The following TMEM117 variants were observed in gnomAD, a reference collection of about 807,000 sequenced individuals.
TMEM117 encodes transmembrane protein 117.
A neutral mutation model predicts 52.4 loss-of-function variants in TMEM117; 27 were observed. The observed-to-expected ratio is 0.51, with a 90% CI of 0.38 to 0.71. The LOEUF is 0.71. TMEM117 is among the 30% of genes least tolerant of loss of function. The pLI is 0.00. For synonymous variants in TMEM117, 215 were observed against 206.3 expected (o/e 1.04, Z -0.36); for missense variants, 556 against 630.5 (o/e 0.88, Z 1.26).
chr12:43,882,900 C>A (rs1943923044), intron 2 of TMEM117, among the ~76,000 whole-genome samples: 1 of 152,174 alleles, frequency 6.6e-6, no homozygotes, highest in Admixed American at 6.5e-5. Flanking sequence ...CATTTCTCTG[C>A]AGCATCTTTT....
At chr12:43,971,193 C>A (rs1945580262) in intron 3 of TMEM117, among the ~76,000 whole-genome samples, 1 of 152,166 alleles carries the variant, frequency 6.6e-6, no homozygotes, top group South Asian at 2.1e-4. Flanking sequence ...ATTAGTCCTA[C>A]CTTACTGATG....
chr12:44,140,120 G>T (rs1592551679), intron 3 of TMEM117, among the ~76,000 whole-genome samples: 1 of 151,994 alleles, frequency 6.6e-6, no homozygotes, highest in East Asian at 1.9e-4. Flanking sequence ...CATTGTTATA[G>T]CATCTAGCAC....
intron 3 of TMEM117, among the ~76,000 whole-genome samples, chr12:44,133,024 A>G (rs1948439092): frequency 6.6e-6 from 1 of 152,212 alleles, no homozygotes; most frequent in South Asian, 2.1e-4. Context: ...GTTTTCCATA[A>G]TATCTTTGGG....
the TMEM117 span, chr12:43,799,437 A>G: frequency 6.2e-7 from 1 of 1,610,324 alleles, no homozygotes; most frequent in African/African-American, 1.3e-5. Context: ...CCTCAGCTGC[A>G]GTCAGTGGGG....
intron 2 of TMEM117, among the ~76,000 whole-genome samples, chr12:43,896,387 T>G (rs544952447): frequency 1.3e-5 from 2 of 152,218 alleles, no homozygotes; most frequent in Non-Finnish European, 2.9e-5. Flanking sequence ...TCACCTCTTC[T>G]ATAAAGTCAT....
intron 2 of TMEM117, among the ~76,000 whole-genome samples, chr12:43,911,863 C>A (rs1375967195): frequency 2.7e-5 from 4 of 150,802 alleles, no homozygotes; most frequent in African/African-American, 7.3e-5. Flanking sequence ...GCTGGAGAGG[C>A]TGTGGAGAAA....
intron 4 of TMEM117, among the ~76,000 whole-genome samples, chr12:44,148,741 A>G (rs1215022429): frequency 6.6e-6 from 1 of 152,206 alleles, no homozygotes; most frequent in Non-Finnish European, 1.5e-5. Context: ...CATATTTATA[A>G]TTATATTCCT....
intron 4 of TMEM117, among the ~76,000 whole-genome samples, chr12:44,198,963 A>G (rs929147966): frequency 6.6e-6 from 1 of 152,180 alleles, no homozygotes; most frequent in Non-Finnish European, 1.5e-5. Context: ...ATATGACTGT[A>G]GTGTATTTGG....
chr12:44,320,387 G>A (rs1425924725), intron 6 of TMEM117, among the ~76,000 whole-genome samples: 1 of 152,038 alleles, frequency 6.6e-6, no homozygotes, highest in Admixed American at 6.6e-5. Flanking sequence ...TTATTCCAAA[G>A]TAATCTTTTT....
At chr12:44,158,101 A>G (rs891981300) in intron 4 of TMEM117, among the ~76,000 whole-genome samples, 2 of 152,182 alleles carry the variant, frequency 1.3e-5, no homozygotes, top group Non-Finnish European at 2.9e-5. Context: ...ATGCAGAAAA[A>G]CATGAAGGAA....
intron 3 of TMEM117, among the ~76,000 whole-genome samples, chr12:44,043,078 G>A (rs185192322): frequency 3.8e-4 from 58 of 152,284 alleles, no homozygotes; most frequent in Admixed American, 2.9e-3. Flanking sequence ...TGAGAGGCAA[G>A]GAGTTTAGTG....
the TMEM117 span, chr12:43,804,130 T>A: frequency 8.5e-6 from 3 of 350,928 alleles, no homozygotes; most frequent in African/African-American, 6.5e-5. Flanking sequence ...AAAACAAACT[T>A]AATTGAATAA....
At chr12:43,850,894 T>A (rs1281369517) in intron 2 of TMEM117, among the ~76,000 whole-genome samples, 1 of 152,144 alleles carries the variant, frequency 6.6e-6, no homozygotes, top group African/African-American at 2.4e-5. Context: ...ATGATGATGA[T>A]GTTGTGTGTA....
At chr12:43,983,691 T>C (rs1945799566) in intron 3 of TMEM117, among the ~76,000 whole-genome samples, 1 of 151,516 alleles carries the variant, frequency 6.6e-6, no homozygotes, top group Non-Finnish European at 1.5e-5. Context: ...GGAATTAATC[T>C]ACATTGAGAA....
At chr12:44,370,928 TC>T (rs1027841132) in intron 6 of TMEM117, among the ~76,000 whole-genome samples, 1 of 152,116 alleles carries the variant, frequency 6.6e-6, no homozygotes, top group Non-Finnish European at 1.5e-5. Context: ...AGAAAGAAAT[TC>T]CTCTAAGCTC....
chr12:44,274,484 C>G (rs1950487547), intron 5 of TMEM117, among the ~76,000 whole-genome samples: 1 of 152,002 alleles, frequency 6.6e-6, no homozygotes, highest in African/African-American at 2.4e-5. Flanking sequence ...ACAAGAGACC[C>G]AGAACAGCCA....
chr12:44,346,260 T>G (rs1198009903), intron 6 of TMEM117, among the ~76,000 whole-genome samples: 1 of 152,138 alleles, frequency 6.6e-6, no homozygotes, highest in Non-Finnish European at 1.5e-5. Flanking sequence ...AATGGTGTGT[T>G]GCTTTCCACT....
At chr12:43,814,993 C>T in the TMEM117 span, among the ~76,000 whole-genome samples, 1 of 152,138 alleles carries the variant, frequency 6.6e-6, no homozygotes, top group African/African-American at 2.4e-5. Context: ...GATCCGCCCG[C>T]CTCGGCCTCC....
intron 6 of TMEM117, among the ~76,000 whole-genome samples, chr12:44,315,183 C>T (rs182422425): frequency 2.0e-5 from 3 of 152,186 alleles, no homozygotes; most frequent in East Asian, 3.9e-4. Context: ...TGTCTTGTTT[C>T]GTCTTTCAGA....
Sources: allele counts gnomAD v4.1 joint callset (sites outside exome capture counted in the v4.1 genomes callset), GRCh38; gene constraint gnomAD v4.1.1; transcripts MANE v1.5; gene names NCBI Gene and HGNC (gene_info 2026-07-23, HGNC 2026-07-21).